Variants in ATP10B observed in about 807,000 individuals in gnomAD.
ATP10B encodes the protein phospholipid-transporting ATPase VB.
A neutral mutation model predicts 141.2 loss-of-function variants in ATP10B; 122 were observed. The observed-to-expected ratio is 0.86, with a 90% CI of 0.75 to 1.00. The LOEUF (loss-of-function observed/expected upper bound fraction) is 1.00, where lower values mean the gene tolerates loss of function less well. Ranked by LOEUF, ATP10B falls within the 50% of genes least tolerant of loss-of-function variation. The pLI, the probability that ATP10B is intolerant of heterozygous loss-of-function variation, is 0.00. For synonymous variants in ATP10B, 685 were observed against 692.0 expected, an observed-to-expected ratio of 0.99 and a Z score of 0.16; for missense variants, 1,876 against 1,825.3, an observed-to-expected ratio of 1.03 and a Z score of -0.51.
At chr5:160,590,614 G>C (rs920770036) in intron 23 of ATP10B, among the ~76,000 whole-genome samples, 2 of 152,198 alleles carry the variant, frequency 1.3e-5, no homozygotes, top group African/African-American at 4.8e-5. Flanking sequence ...GCCTCTGAAG[G>C]CTAGCTTCCT....
chr5:160,910,015 A>C, the ATP10B span, among the ~76,000 whole-genome samples: 1 of 152,214 alleles, frequency 6.6e-6, no homozygotes, highest in African/African-American at 2.4e-5. Flanking sequence ...TGTTAAAAGT[A>C]GGGGTTGGGT....
Position 160,598,901 on chromosome 5 carries a change from A to G in ATP10B, c.3433T>C (p.Trp1145Arg), listed in dbSNP as rs747125105. Residue 1145 changes from tryptophan (W) to arginine (R), a missense_variant, in exon 22 of 26, where the codon TGG (tryptophan) becomes CGG (arginine). Physicochemically the swap from Trp to Arg is moderately radical, Grantham distance 101. Coordinates refer to ENST00000327245, the MANE Select transcript of ATP10B (RefSeq NM_025153.3). Reference protein sequence around the residue: ...GFSSSTMIDYWQMIFFNLFFT... With the variant: ...GFSSSTMIDYRQMIFFNLFFT... ...AAGAGATTGAAGAATATCATCTGCCAGTAATCAATCATGGTGGAGCTGGAG... is the reference window on the plus strand; with the variant it reads ...AAGAGATTGAAGAATATCATCTGCCGGTAATCAATCATGGTGGAGCTGGAG... The G allele has an allele frequency of 2.5e-6, 4 of 1,614,234 alleles. No individual in the cohort carries two copies. The highest frequency in any genetic ancestry group is 3.4e-6 in the Non-Finnish European group (4 of 1,180,024).
chr5:160,584,245 G>T (rs1315417613), intron 24 of ATP10B, among the ~76,000 whole-genome samples: 3 of 152,148 alleles, frequency 2.0e-5, no homozygotes, highest in Non-Finnish European at 4.4e-5. Flanking sequence ...AGAGTAGACT[G>T]TTCCTCATGG....
At chr5:160,593,502 G>A (rs371158785) in intron 22 of ATP10B, among the ~76,000 whole-genome samples, 1 of 152,238 alleles carries the variant, frequency 6.6e-6, no homozygotes, top group Non-Finnish European at 1.5e-5. Flanking sequence ...ACTCTAAAAA[G>A]CAGAGCGCCT....
At chr5:160,790,203 TTCTC>T (rs531153889) in intron 1 of ATP10B, among the ~76,000 whole-genome samples, 133 of 152,270 alleles carry the variant, frequency 8.7e-4, no homozygotes, top group African/African-American at 3.1e-3. Context: ...ATCTTTTCTC[TTCTC>T]TCTGAAATTA....
chr5:160,905,130 G>A, the ATP10B span, among the ~76,000 whole-genome samples: 1 of 152,208 alleles, frequency 6.6e-6, no homozygotes, highest in Non-Finnish European at 1.5e-5. Flanking sequence ...TGTATTGTTA[G>A]TCCCATTTTA....
chr5:160,775,676 A>ATTTTTTTTTTTTTTTTT (rs10642787), intron 2 of ATP10B, among the ~76,000 whole-genome samples: 1 of 116,822 alleles, frequency 8.6e-6, no homozygotes. Context: ...CAAGTTTCAG[A>ATTTTTTTTTTTTTTTTT]TTTTTTTTTT....
chr5:160,799,802 C>T (rs886454945), intron 1 of ATP10B, among the ~76,000 whole-genome samples: 4 of 152,144 alleles, frequency 2.6e-5, no homozygotes, highest in Non-Finnish European at 5.9e-5. Context: ...TTAGAGTTCT[C>T]AGCGTATTAG....
chr5:160,921,528 T>C, the ATP10B span, among the ~76,000 whole-genome samples: 1 of 152,212 alleles, frequency 6.6e-6, no homozygotes, highest in African/African-American at 2.4e-5. Flanking sequence ...CAACTCTCCT[T>C]TTACAGGTCT....
At position 160,801,125 on chromosome 5, in the gene ATP10B, G is replaced by A. The variant is rs115627298; in HGVS notation, c.-575-15322C>T. On this transcript the variant is annotated intron_variant, in intron 1 of 25. Transcript: ENST00000327245. ...TGTGGCCCAGGAATCCACTAACGATGTATTCATCCAACATTCCAGCTGCCA... is the reference window on the plus strand; with the variant it reads ...TGTGGCCCAGGAATCCACTAACGATATATTCATCCAACATTCCAGCTGCCA... Among the ~76,000 whole-genome samples, 159 of 152,242 alleles carry A rather than the reference G, an allele frequency of 1.0e-3. 1 individual carries two copies. The highest frequency in any genetic ancestry group is 3.7e-3 in the African/African-American group (154 of 41,540).
At chr5:160,571,064 T>C (rs1754845941) in intron 24 of ATP10B, among the ~76,000 whole-genome samples, 1 of 152,144 alleles carries the variant, frequency 6.6e-6, no homozygotes, top group Non-Finnish European at 1.5e-5. Flanking sequence ...TGAATTTCTT[T>C]TTATTTATCT....
intron 2 of ATP10B, among the ~76,000 whole-genome samples, chr5:160,727,707 A>T (rs893916204): frequency 1.1e-4 from 16 of 151,906 alleles, no homozygotes; most frequent in Admixed American, 5.9e-4. Context: ...AAGGAAAATT[A>T]AAAAAAATCT....
At chr5:160,923,524 A>T in the ATP10B span, among the ~76,000 whole-genome samples, 4 of 152,362 alleles carry the variant, frequency 2.6e-5, no homozygotes, top group East Asian at 7.7e-4. Flanking sequence ...ATGTGTGCAG[A>T]GCTGACCAAA....
intron 1 of ATP10B, among the ~76,000 whole-genome samples, chr5:160,821,901 G>A (rs772543241): frequency 6.6e-6 from 1 of 152,118 alleles, no homozygotes; most frequent in Non-Finnish European, 1.5e-5. Flanking sequence ...CTTAAACTAT[G>A]AAACTACTGA....
At chr5:160,840,911 C>T (rs1035915754) in intron 1 of ATP10B, among the ~76,000 whole-genome samples, 1 of 152,104 alleles carries the variant, frequency 6.6e-6, no homozygotes, top group African/African-American at 2.4e-5. Context: ...CTATTTCTCA[C>T]TTAGATGGGC....
the ATP10B span, among the ~76,000 whole-genome samples, chr5:160,913,901 CTTG>C: frequency 6.6e-6 from 1 of 152,152 alleles, no homozygotes; most frequent in Non-Finnish European, 1.5e-5. Context: ...AAATGTGTAT[CTTG>C]TTTGAGAGAT....
chr5:160,662,512 C>A (rs1762011097), intron 7 of ATP10B, among the ~76,000 whole-genome samples: 1 of 152,196 alleles, frequency 6.6e-6, no homozygotes, highest in African/African-American at 2.4e-5. Context: ...ACTATCTGAT[C>A]TTTGACAAAC....
chr5:160,837,484 C>T (rs1775521216), intron 1 of ATP10B, among the ~76,000 whole-genome samples: 1 of 152,054 alleles, frequency 6.6e-6, no homozygotes, highest in Non-Finnish European at 1.5e-5. Flanking sequence ...AAATGTGTTA[C>T]CATTTTACTT....
intron 3 of ATP10B, among the ~76,000 whole-genome samples, chr5:160,695,111 A>T (rs1350359802): frequency 1.3e-5 from 2 of 152,216 alleles, no homozygotes; most frequent in Non-Finnish European, 2.9e-5. Context: ...ATAGAAAAAT[A>T]ACTGACTGGG....
Sources: gnomAD v4.1 joint callset for allele counts (sites outside exome capture counted in the v4.1 genomes callset) on GRCh38, gnomAD v4.1.1 for gene constraint, MANE v1.5 for transcripts, NCBI Gene and HGNC (gene_info 2026-07-23, HGNC 2026-07-21) for gene names.